Variants in PNPLA7 observed in about 807,000 individuals in gnomAD.
PNPLA7 encodes the protein patatin-like phospholipase domain-containing protein 7.
Under a neutral mutation model 161.7 loss-of-function variants are expected in PNPLA7, and 153 were observed. The observed-to-expected ratio is 0.95, with a 90% CI of 0.83 to 1.08. The LOEUF (loss-of-function observed/expected upper bound fraction) is 1.08. Among genes scored for constraint, PNPLA7 ranks in the 50% least tolerant of loss-of-function variants. The probability of loss-of-function intolerance (pLI) is 0.00; values close to 1 mark genes in which losing one functional copy is unlikely to be tolerated. For missense variants in PNPLA7, 1,739 were observed against 1,856.6 expected, an observed-to-expected ratio of 0.94 and a Z score of 1.16; for synonymous variants, 809 against 782.1, an observed-to-expected ratio of 1.03 and a Z score of -0.57.
At chr9:137,491,811 C>G (rs550135061) in intron 20 of PNPLA7, 1 of 985,314 alleles carries the variant, frequency 1.0e-6, no homozygotes, top group Non-Finnish European at 1.2e-6. Context: ...CCAGCTCACA[C>G]GCCAATGCCA....
chr9:137,505,917 T>A (rs1833893332), intron 13 of PNPLA7, 66 bp downstream of exon 13: 8 of 1,543,986 alleles, frequency 5.2e-6, no homozygotes, highest in Non-Finnish European at 6.2e-6. Flanking sequence ...GCGCCCCCAA[T>A]GCACCAGCAA....
At chr9:137,531,198 C>G (rs1240976673) in intron 8 of PNPLA7, among the ~76,000 whole-genome samples, 1 of 152,124 alleles carries the variant, frequency 6.6e-6, no homozygotes, top group Non-Finnish European at 1.5e-5. Context: ...GAAATCACGG[C>G]CTGCTCCAGA....
chr9:137,491,659 A>G (rs1239897732), intron 20 of PNPLA7: 1 of 985,458 alleles, frequency 1.0e-6, no homozygotes, highest in Non-Finnish European at 1.2e-6. Flanking sequence ...AGGAACTCAG[A>G]TGAAGATGGG....
In PNPLA7 at chr9:137,478,021, C is replaced by T. The variant is rs375281963; in HGVS notation, c.2882+13G>A. On this transcript the variant is annotated intron_variant, in intron 25 of 34. Coordinates refer to ENST00000406427, the MANE Select transcript of PNPLA7 (RefSeq NM_001098537.3). Reference sequence around the variant, plus strand: ...ACACCAGTGAGGAGTGTGTAGGAAGCGGGGGGACTCACCTTGCTCCCCCTC... The same window carrying T: ...ACACCAGTGAGGAGTGTGTAGGAAGTGGGGGGACTCACCTTGCTCCCCCTC... 8.5e-6 allele frequency: 12 copies of T among 1,410,724 alleles called. No homozygotes were observed. Among genetic ancestry groups the T allele is most frequent in the African/African-American group, 3.0e-5 (2 of 66,852 alleles). The allele number at this position is 1,410,724 out of a possible 1,614,324, so 87.4% of individuals were successfully genotyped here.
At chr9:137,536,670 A>G (rs546259390) in intron 8 of PNPLA7, among the ~76,000 whole-genome samples, 2 of 152,344 alleles carry the variant, frequency 1.3e-5, no homozygotes, top group African/African-American at 4.8e-5. Context: ...TCAGCTGTGA[A>G]TAGTATCCAT....
chr9:137,512,454 G>A (rs149031279), intron 12 of PNPLA7, among the ~76,000 whole-genome samples: 58 of 152,378 alleles, frequency 3.8e-4, no homozygotes, highest in East Asian at 1.9e-4. Context: ...GCAGGCAGCC[G>A]TGGTGGGGAG....
At position 137,547,993 on chromosome 9, in the gene PNPLA7, C is replaced by T. The variant is rs961409908; in HGVS notation, c.31-334G>A. 6.6e-6 allele frequency among the ~76,000 whole-genome samples: 1 copy of T among 152,186 alleles called. No individual in the cohort carries two copies. Among genetic ancestry groups the T allele is most frequent in the African/African-American group, 2.4e-5 (1 of 41,446 alleles). ...GGCCAAAGGGGAGGCCAAGGCCCCCCTCTCAGTGTCGCCTCAGCCCCAGCA... is the reference window on the plus strand; with the variant it reads ...GGCCAAAGGGGAGGCCAAGGCCCCCTTCTCAGTGTCGCCTCAGCCCCAGCA... On this transcript the variant is annotated intron_variant, in intron 1 of 34. Transcript: ENST00000406427. The surrounding 1 kb of genome is among the most constrained non-coding windows in gnomAD (Gnocchi z 4.6).
rs1831594195 is a variant in PNPLA7, at chr9:137,468,875, T to C, written c.2883-1402A>G. On this transcript the variant is annotated intron_variant, in intron 25 of 34. Transcript: ENST00000406427. This position sits in a 1 kb window ranked among gnomAD's most constrained non-coding sequence, Gnocchi z 4.0. ...TCAAAAATGGTTAAGTGGTAAATTT[T>C]ATGTTATGTATATTTTAACATAATA... 6.6e-6 allele frequency among the ~76,000 whole-genome samples: 1 copy of C among 152,168 alleles called. No individual in the cohort carries two copies. The highest frequency in any genetic ancestry group is 1.5e-5 in the Non-Finnish European group (1 of 68,026).
rs1162088000 is a variant in PNPLA7, at chr9:137,466,860, G to A, written c.3039+457C>T. 9.8e-4 allele frequency among the ~76,000 whole-genome samples: 107 copies of A among 109,452 alleles called. 1 individual carries two copies. The highest frequency in any genetic ancestry group is 2.3e-3 in the South Asian group (7 of 3,002). The allele number at this position is 109,452 out of a possible 152,430, so 71.8% of individuals were successfully genotyped here. Reference sequence around the variant, plus strand: ...TCTCCATCACCTCAGACCCGGGCACGGATCAGACCACCTCCCACCACCGTC... The same window carrying A: ...TCTCCATCACCTCAGACCCGGGCACAGATCAGACCACCTCCCACCACCGTC... On this transcript the variant is annotated intron_variant, in intron 26 of 34. Coordinates refer to ENST00000406427, the MANE Select transcript of PNPLA7 (RefSeq NM_001098537.3).
chr9:137,500,748 G>A lies in PNPLA7; in HGVS notation c.1700C>T (p.Thr567Ile). ...GCTGCAGTCCCTGTTGGCCTTGACGGTGAAGATGAGAGGCTCCCCGGTGAG... is the reference window on the plus strand; with the variant it reads ...GCTGCAGTCCCTGTTGGCCTTGACGATGAAGATGAGAGGCTCCCCGGTGAG... Reference protein sequence around the residue: ...AVLTGEPLIFTVKANRDCSFL... With the variant: ...AVLTGEPLIFIVKANRDCSFL... Residue 567 changes from threonine (T) to isoleucine (I), a missense_variant, in exon 16 of 35, where the codon ACC becomes ATC. Thr to Ile is a moderately conservative substitution (Grantham distance 89). This residue lies in a region of PNPLA7 where 481 missense variants were observed against 450.0 expected (regional missense o/e 1.07). Transcript: ENST00000406427. This position sits in a 1 kb window ranked among gnomAD's most constrained non-coding sequence, Gnocchi z 5.5. The A allele has an allele frequency of 1.2e-6, 2 of 1,612,486 alleles. No homozygotes were observed. Among genetic ancestry groups the A allele is most frequent in the Non-Finnish European group, 1.7e-6 (2 of 1,179,894 alleles).
At position 137,548,464 on chromosome 9, in the gene PNPLA7, G is replaced by C. The variant is rs78641400; in HGVS notation, c.31-805C>G. 4.5e-3 allele frequency among the ~76,000 whole-genome samples: 682 copies of C among 152,322 alleles called. 5 individuals carry two copies. Among genetic ancestry groups the C allele is most frequent in the African/African-American group, 0.015 (615 of 41,568 alleles). ...TCCCATCCGTGCCAGAAAATCCAGGGAAGGGCCGGGCGCAGTGGCTCACGC... is the reference window on the plus strand; with the variant it reads ...TCCCATCCGTGCCAGAAAATCCAGGCAAGGGCCGGGCGCAGTGGCTCACGC... On this transcript the variant is annotated intron_variant, in intron 1 of 34. Coordinates refer to ENST00000406427, the MANE Select transcript of PNPLA7 (RefSeq NM_001098537.3).
Position 137,495,129 on chromosome 9 carries a change from G to GTGGGTCAGTGTC in PNPLA7, c.2019_2030dup (p.Thr676_His677insGlnThrLeuThr), listed in dbSNP as rs1281052202. Reference sequence around the variant, plus strand: ...CATGCACCGTGGTCGCCCGGGCCTGGTGGGTCAGTGTCTCCACCTGAGGAC... The same window carrying GTGGGTCAGTGTC: ...CATGCACCGTGGTCGCCCGGGCCTGGTGGGTCAGTGTCTGGGTCAGTGTCTCCACCTGAGGAC... On this transcript the variant is annotated inframe_insertion, in exon 19 of 35. Transcript: ENST00000406427. The GTGGGTCAGTGTC allele has an allele frequency of 1.2e-6, 2 of 1,603,166 alleles. No individual in the cohort carries two copies. The highest frequency in any genetic ancestry group is 1.7e-6 in the Non-Finnish European group (2 of 1,178,278).
At chr9:137,466,997 A>G (rs1208383771) in intron 26 of PNPLA7, among the ~76,000 whole-genome samples, 1 of 140,928 alleles carries the variant, frequency 7.1e-6, no homozygotes, top group Non-Finnish European at 1.5e-5. Context: ...ACCATCTCAG[A>G]CCCGTGCACA....
At chr9:137,521,303 G>A (rs545415356) in intron 10 of PNPLA7, among the ~76,000 whole-genome samples, 1 of 152,234 alleles carries the variant, frequency 6.6e-6, no homozygotes, top group Non-Finnish European at 1.5e-5. Context: ...GAGGCACCAG[G>A]CGGCTGTTCA....
At chr9:137,545,989 G>A (rs1003070018) in intron 4 of PNPLA7, among the ~76,000 whole-genome samples, 17 of 152,052 alleles carry the variant, frequency 1.1e-4, no homozygotes, top group Non-Finnish European at 2.1e-4. Flanking sequence ...CCTGTGGAGG[G>A]CCTGACATCA....
Position 137,479,257 on chromosome 9 carries a change from G to T in PNPLA7, c.2581-19C>A, listed in dbSNP as rs113832428. ...GCTCCAGCTGAAAGGCAGAGCCCAC[G>T]TGTCTGCCAGCCGGGTGAGCCTGGG... On this transcript the variant is annotated intron_variant, in intron 23 of 34. Transcript: ENST00000406427. 3 of 1,505,916 alleles carry T rather than the reference G, an allele frequency of 2.0e-6. No individual in the cohort carries two copies. Among genetic ancestry groups the T allele is most frequent in the African/African-American group, 2.8e-5 (2 of 72,330 alleles). 93.3% of individuals were successfully genotyped at this position (1,505,916 alleles called of 1,614,324 possible).
chr9:137,467,911 A>T lies in PNPLA7; in HGVS notation c.2883-438T>A, dbSNP rs777515063. ...AGACTCTGACTCAAAATAAATAAAT[A>T]AATAAATTAATTAAATAAATGAAAT... is the stretch of plus-strand genomic sequence containing the variant. On this transcript the variant is annotated intron_variant, in intron 25 of 34. Transcript: ENST00000406427. The surrounding 1 kb of genome is among the most constrained non-coding windows in gnomAD (Gnocchi z 5.1). 2.2e-4 allele frequency among the ~76,000 whole-genome samples: 33 copies of T among 152,224 alleles called. No individual in the cohort carries two copies. Among genetic ancestry groups the T allele is most frequent in the Admixed American group, 9.8e-4 (15 of 15,300 alleles).
chr9:137,550,167 C>A lies in PNPLA7; in HGVS notation c.30+1G>T, dbSNP rs761591661. ...GGCATCTGGTCCCCCGAGTTACATA[C>A]CTGTGGGCTGTCATCTTTCTCTTCC... On this transcript the variant is annotated splice_donor_variant, in intron 1 of 34. Coordinates refer to ENST00000406427, the MANE Select transcript of PNPLA7 (RefSeq NM_001098537.3). LOFTEE classifies it high-confidence loss of function. The A allele has an allele frequency of 6.2e-7, 1 of 1,612,826 alleles. No individual in the cohort carries two copies. The highest frequency in any genetic ancestry group is 8.5e-7 in the Non-Finnish European group (1 of 1,179,788).
intron 12 of PNPLA7, among the ~76,000 whole-genome samples, chr9:137,507,961 G>A (rs1488250696): frequency 6.6e-6 from 1 of 152,190 alleles, no homozygotes; most frequent in African/African-American, 2.4e-5. Flanking sequence ...CAGAGGCCAA[G>A]GTGGAGGCAG....
Sources: gnomAD v4.1 joint callset for allele counts (sites outside exome capture counted in the v4.1 genomes callset) on GRCh38, gnomAD v4.1.1 for gene constraint, gnomAD v4.1.1 regional missense constraint, Gnocchi (gnomAD v3.1) non-coding constraint, MANE v1.5 for transcripts, NCBI Gene and HGNC (gene_info 2026-07-23, HGNC 2026-07-21) for gene names.